Variants in DAB1 observed in about 807,000 individuals in gnomAD.
The protein encoded by DAB1 is DAB adaptor protein 1.
In DAB1, 15 loss-of-function variants were observed where a neutral mutation model predicts 64.6. That is an observed-to-expected ratio of 0.23 (90% CI 0.16 to 0.36). The LOEUF (loss-of-function observed/expected upper bound fraction) is 0.36. DAB1 is among the 10% of genes least tolerant of loss of function. The pLI, the probability that DAB1 is intolerant of heterozygous loss-of-function variation, is 1.00. For synonymous variants in DAB1, 235 were observed against 251.9 expected, an observed-to-expected ratio of 0.93 and a Z score of 0.64; for missense variants, 596 against 706.7, an observed-to-expected ratio of 0.84 and a Z score of 1.78.
At chr1:58,528,687 A>T (rs1443366385) in intron 1 of DAB1, among the ~76,000 whole-genome samples, 1 of 152,170 alleles carries the variant, frequency 6.6e-6, no homozygotes, top group Non-Finnish European at 1.5e-5. Flanking sequence ...GAGATTGAGA[A>T]ATCCTGCTTT....
intron 2 of DAB1, among the ~76,000 whole-genome samples, chr1:57,173,121 G>A (rs1661954382): frequency 6.6e-6 from 1 of 152,116 alleles, no homozygotes; most frequent in Non-Finnish European, 1.5e-5. Flanking sequence ...GTGATCAGAG[G>A]TGCCACACCC....
intron 2 of DAB1, among the ~76,000 whole-genome samples, chr1:57,263,115 A>G (rs1333877895): frequency 7.5e-6 from 1 of 133,700 alleles, no homozygotes; most frequent in Non-Finnish European, 1.6e-5. Flanking sequence ...GAATAAGAAG[A>G]TAAAATTTTT....
chr1:58,076,222 T>C (rs985329403), intron 5 of DAB1, among the ~76,000 whole-genome samples: 2 of 152,166 alleles, frequency 1.3e-5, no homozygotes. Flanking sequence ...AGAACAACTA[T>C]ATATGTATAC....
At chr1:57,267,507 A>G (rs1453572507) in intron 2 of DAB1, among the ~76,000 whole-genome samples, 1 of 152,188 alleles carries the variant, frequency 6.6e-6, no homozygotes, top group African/African-American at 2.4e-5. Flanking sequence ...ATGCCGAAGA[A>G]GACTTCATAC....
intron 4 of DAB1, among the ~76,000 whole-genome samples, chr1:57,119,218 T>C (rs1656419636): frequency 6.6e-6 from 1 of 152,216 alleles, no homozygotes; most frequent in South Asian, 2.1e-4. Flanking sequence ...CAATGCAAGA[T>C]TTATGGCATT....
intron 7 of DAB1, among the ~76,000 whole-genome samples, chr1:57,466,802 T>A (rs569616824): frequency 7.7e-4 from 117 of 152,312 alleles, no homozygotes; most frequent in African/African-American, 2.7e-3. Flanking sequence ...CAGGGACTAC[T>A]GTCAACCCCT....
intron 2 of DAB1, among the ~76,000 whole-genome samples, chr1:57,168,172 CAG>C (rs1472542039): frequency 2.6e-5 from 4 of 152,224 alleles, no homozygotes; most frequent in African/African-American, 9.6e-5. Context: ...GATTACTCTT[CAG>C]AGAGTGTATT....
intron 5 of DAB1, among the ~76,000 whole-genome samples, chr1:58,032,158 T>C (rs374710071): frequency 2.0e-5 from 3 of 152,040 alleles, no homozygotes; most frequent in East Asian, 1.9e-4. Flanking sequence ...TGCTAGTGAG[T>C]TGGAATCTGC....
intron 11 of DAB1, among the ~76,000 whole-genome samples, chr1:57,020,259 TG>T (rs1343490991): frequency 2.6e-5 from 4 of 152,236 alleles, no homozygotes; most frequent in African/African-American, 9.6e-5. Context: ...AGCTACACAC[TG>T]TATGAATAGC....
intron 2 of DAB1, among the ~76,000 whole-genome samples, chr1:57,226,386 C>G: frequency 6.6e-6 from 1 of 152,086 alleles, no homozygotes; most frequent in East Asian, 1.9e-4. Flanking sequence ...GCAACTCCAT[C>G]CTTCCCAGTT....
At chr1:58,121,352 T>C (rs1367423798) in intron 5 of DAB1, among the ~76,000 whole-genome samples, 2 of 152,068 alleles carry the variant, frequency 1.3e-5, no homozygotes, top group East Asian at 3.9e-4. Context: ...ATTTCCTACC[T>C]CCTTCTTCCA....
At chr1:58,228,159 G>C (rs77868568) in intron 4 of DAB1, among the ~76,000 whole-genome samples, 2 of 152,136 alleles carry the variant, frequency 1.3e-5, no homozygotes, top group Admixed American at 1.3e-4. Flanking sequence ...CAGTATAGTC[G>C]GTTCAAGGCA....
chr1:57,537,118 G>A (rs1046397905), intron 7 of DAB1, among the ~76,000 whole-genome samples: 12 of 152,164 alleles, frequency 7.9e-5, no homozygotes, highest in South Asian at 2.1e-4. Flanking sequence ...GATAAAATAC[G>A]TCATTCAAAT....
chr1:58,204,341 C>A (rs1658147504), intron 4 of DAB1, among the ~76,000 whole-genome samples: 1 of 152,212 alleles, frequency 6.6e-6, no homozygotes, highest in Non-Finnish European at 1.5e-5. Flanking sequence ...AACTTAAATT[C>A]AAATTTCCTT....
intron 7 of DAB1, among the ~76,000 whole-genome samples, chr1:57,473,288 A>T (rs1259005513): frequency 6.6e-6 from 1 of 152,220 alleles, no homozygotes; most frequent in East Asian, 1.9e-4. Context: ...TGGCAGTGCC[A>T]GGGCTGGACA....
intron 6 of DAB1, among the ~76,000 whole-genome samples, chr1:57,799,183 G>A (rs867321982): frequency 6.1e-4 from 93 of 152,186 alleles, no homozygotes; most frequent in African/African-American, 2.0e-3. Flanking sequence ...TTCGATGAAC[G>A]GAAAGCCTTT....
chr1:58,377,669 C>G (rs1644342289), intron 3 of DAB1, among the ~76,000 whole-genome samples: 1 of 139,866 alleles, frequency 7.1e-6, no homozygotes, highest in Non-Finnish European at 1.6e-5. Context: ...TGGAGTTGCT[C>G]TTCTCGAAGA....
chr1:58,228,637 A>G, intron 4 of DAB1: 1 of 903,232 alleles, frequency 1.1e-6, no homozygotes, highest in Non-Finnish European at 1.7e-6. Context: ...CGAGGTTCAC[A>G]TGCCAAAGCA....
intron 3 of DAB1, among the ~76,000 whole-genome samples, chr1:58,356,482 T>C (rs912651834): frequency 3.9e-5 from 6 of 152,148 alleles, no homozygotes; most frequent in African/African-American, 1.4e-4. Flanking sequence ...TGGAGCTAAT[T>C]TAGATTATAT....
Sources: allele counts gnomAD v4.1 joint callset (sites outside exome capture counted in the v4.1 genomes callset), GRCh38; gene constraint gnomAD v4.1.1; transcripts MANE v1.5; gene names NCBI Gene and HGNC (gene_info 2026-07-23, HGNC 2026-07-21).